Variants in UBR4 observed in about 807,000 individuals in gnomAD.
The protein encoded by UBR4 is E3 ubiquitin-protein ligase UBR4.
Under a neutral mutation model 575.6 loss-of-function variants are expected in UBR4, and 124 were observed. The ratio of observed to expected loss-of-function variants is 0.22; its 90% confidence interval spans 0.19 to 0.25. The LOEUF is 0.25. Ranked by LOEUF, UBR4 falls within the 10% of genes least tolerant of loss-of-function variation. The probability of loss-of-function intolerance (pLI) is 1.00; values close to 1 mark genes in which losing one functional copy is unlikely to be tolerated. For synonymous variants in UBR4, 2,455 were observed against 2,473.7 expected (o/e 0.99, Z 0.22); for missense variants, 4,818 against 6,478.8 (o/e 0.74, Z 8.80).
intron 9 of UBR4, 60 bp downstream of exon 9, chr1:19,193,373 C>T: frequency 6.3e-7 from 1 of 1,582,340 alleles, no homozygotes; most frequent in Non-Finnish European, 8.6e-7. Context: ...GAAAGTGGAA[C>T]TGGCCATACT....
At chr1:19,131,266 A>AT (rs1352425811) in intron 60 of UBR4, among the ~76,000 whole-genome samples, 4 of 148,646 alleles carry the variant, frequency 2.7e-5, no homozygotes, top group Non-Finnish European at 4.5e-5. Flanking sequence ...AAAAAAAAAA[A>AT]AAATAAACAC....
At chr1:19,158,577 C>A (rs1308237090) in intron 39 of UBR4, among the ~76,000 whole-genome samples, 2 of 152,062 alleles carry the variant, frequency 1.3e-5, no homozygotes, top group Non-Finnish European at 2.9e-5. Flanking sequence ...CCTGCCTCAG[C>A]CTCCCAGGTA....
At chr1:19,147,686 C>T (rs918570526) in intron 51 of UBR4, among the ~76,000 whole-genome samples, 2 of 152,182 alleles carry the variant, frequency 1.3e-5, no homozygotes, top group Non-Finnish European at 2.9e-5. Context: ...GAGGGACTCC[C>T]TCACCTCACC....
At chr1:19,086,610 C>T in intron 100 of UBR4, 69 bp downstream of exon 100, 3 of 1,580,988 alleles carry the variant, frequency 1.9e-6, no homozygotes, top group Non-Finnish European at 2.6e-6. Context: ...ACGAGGATGG[C>T]AGTCCCACCC....
chr1:19,168,200 G>C lies in UBR4; in HGVS notation c.3742-16C>G. 1 of 1,559,380 alleles carries C rather than the reference G, an allele frequency of 6.4e-7. No homozygotes were observed. The highest frequency in any genetic ancestry group is 1.4e-5 in the African/African-American group (1 of 73,730). ...AGGCATTGCGCTGAAAGGAAGCAAA[G>C]CAGATGTAAATGGATAGACCATCTA... On this transcript the variant is annotated splice_polypyrimidine_tract_variant and intron_variant, in intron 27 of 105. Coordinates refer to ENST00000375254, the MANE Select transcript of UBR4 (RefSeq NM_020765.3).
chr1:19,197,012 G>C (rs1286757760), intron 8 of UBR4, 129 bp downstream of exon 8: 5 of 1,132,030 alleles, frequency 4.4e-6, no homozygotes, highest in Non-Finnish European at 5.0e-6. Flanking sequence ...ACCTTGATGC[G>C]ACGTTAGATG....
chr1:19,112,966 C>T, intron 77 of UBR4, 99 bp from the exon 78 acceptor site: 9 of 1,223,240 alleles, frequency 7.4e-6, no homozygotes, highest in Non-Finnish European at 1.0e-5. Context: ...ACTTTACATG[C>T]ATTATATAAC....
At chr1:19,188,194 T>C (rs1013033353) in intron 11 of UBR4, among the ~76,000 whole-genome samples, 2 of 152,160 alleles carry the variant, frequency 1.3e-5, no homozygotes, top group Non-Finnish European at 2.9e-5. Context: ...TAAAGAATCA[T>C]TATTTTGAAA....
At chr1:19,187,103 T>C (rs1224239180) in intron 13 of UBR4, 61 bp downstream of exon 13, 1 of 1,141,946 alleles carries the variant, frequency 8.8e-7, no homozygotes. Flanking sequence ...TATACATATA[T>C]ATATCATATA....
intron 53 of UBR4, 134 bp from the exon 54 acceptor site, chr1:19,145,041 C>A: frequency 1.1e-6 from 1 of 918,838 alleles, no homozygotes; most frequent in Non-Finnish European, 1.7e-6. Context: ...CTCACATACA[C>A]ACTCATTCAC....
Position 19,185,211 on chromosome 1 carries a change from G to A in UBR4, c.1826C>T (p.Pro609Leu), listed in dbSNP as rs180765530. The A allele has an allele frequency of 1.2e-5, 19 of 1,613,698 alleles. No homozygotes were observed. Among genetic ancestry groups the A allele is most frequent in the East Asian group, 4.5e-5 (2 of 44,866 alleles). ...CAGTGGAGGAGGTGGGGGAGGAGGC[G>A]GAGGTGCTGCTTTCTCTTTACTGGG... ...ISPSKEKAAP[P>L]PPPPPPPLES... The change falls in exon 15 of 106, where the codon CCG (proline) becomes CTG (leucine). Residue 609 changes from proline (P) to leucine (L), a missense_variant. By Grantham distance (98) the Pro-to-Leu change is moderately conservative. This residue lies in a region of UBR4 where 1,172 missense variants were observed against 1,259.7 expected (regional missense o/e 0.93). Transcript: ENST00000375254.
intron 48 of UBR4, 29 bp downstream of exon 48, chr1:19,151,614 A>C: frequency 1.2e-6 from 2 of 1,611,828 alleles, no homozygotes; most frequent in Non-Finnish European, 1.7e-6. Context: ...CAATGAGGAC[A>C]GAGTCTGCAC....
intron 54 of UBR4, among the ~76,000 whole-genome samples, 164 bp downstream of exon 54, chr1:19,144,622 T>G (rs1348037169): frequency 2.0e-5 from 3 of 152,230 alleles, no homozygotes; most frequent in Non-Finnish European, 4.4e-5. Flanking sequence ...TCCAAATCTT[T>G]CTCTTCCATG....
At chr1:19,105,550 C>T (rs2079093217) in intron 84 of UBR4, among the ~76,000 whole-genome samples, 183 bp downstream of exon 84, 1 of 152,186 alleles carries the variant, frequency 6.6e-6, no homozygotes. Flanking sequence ...CTGCTAACAC[C>T]CTCACCACAA....
At position 19,197,940 on chromosome 1, in the gene UBR4, G is replaced by A; in HGVS notation, c.751+7C>T. ...ATCAGCTTTCTGATAACAGTTGGGA[G>A]TCTTACCAAGCTCTTGAAGACTAGC... On this transcript the variant is annotated splice_region_variant and intron_variant, in intron 6 of 105. Transcript: ENST00000375254. 6.2e-7 allele frequency: 1 copy of A among 1,614,094 alleles called. No homozygotes were observed. The highest frequency in any genetic ancestry group is 8.5e-7 in the Non-Finnish European group (1 of 1,179,978).
chr1:19,123,425 T>C (rs1177341729), intron 65 of UBR4, among the ~76,000 whole-genome samples: 2 of 141,166 alleles, frequency 1.4e-5, no homozygotes, highest in African/African-American at 5.4e-5. Context: ...CACTCCAACC[T>C]GGGTCAACAG....
intron 81 of UBR4, among the ~76,000 whole-genome samples, chr1:19,108,760 G>A (rs1217984152): frequency 6.6e-6 from 1 of 152,122 alleles, no homozygotes; most frequent in Admixed American, 6.6e-5. Flanking sequence ...AAATAACTTT[G>A]TCCTCACAGA....
chr1:19,205,232 G>T (rs2092946279), intron 1 of UBR4, among the ~76,000 whole-genome samples: 1 of 152,164 alleles, frequency 6.6e-6, no homozygotes, highest in African/African-American at 2.4e-5. Flanking sequence ...ACAGGTCAGA[G>T]AAATCCAATT....
At chr1:19,163,849 G>A (rs61766801) in intron 33 of UBR4, 22 bp from the exon 34 acceptor site, 3 of 1,613,578 alleles carry the variant, frequency 1.9e-6, no homozygotes, top group Non-Finnish European at 2.5e-6. Context: ...AAAAAAAAGA[G>A]GGGAAAGAGG....
Sources: gnomAD v4.1 joint callset for allele counts (sites outside exome capture counted in the v4.1 genomes callset) on GRCh38, gnomAD v4.1.1 for gene constraint, gnomAD v4.1.1 regional missense constraint, MANE v1.5 for transcripts, NCBI Gene and HGNC (gene_info 2026-07-23, HGNC 2026-07-21) for gene names.